The following NEK11 variants were observed in gnomAD, a reference collection of about 807,000 sequenced individuals.
NEK11 encodes serine/threonine-protein kinase Nek11.
NEK11 carries 72 observed loss-of-function variants against 80.7 expected under a neutral mutation model. The observed-to-expected ratio is 0.89, with a 90% CI of 0.74 to 1.08. The LOEUF is 1.08. Ranked by LOEUF, NEK11 falls within the 50% of genes least tolerant of loss-of-function variation. NEK11 has a pLI of 0.00. For missense variants in NEK11, 764 were observed against 763.6 expected, an observed-to-expected ratio of 1.00 and a Z score of -0.01; for synonymous variants, 251 against 260.7, an observed-to-expected ratio of 0.96 and a Z score of 0.36.
chr3:131,059,433 A>G (rs1401251449), intron 3 of NEK11, among the ~76,000 whole-genome samples: 2 of 152,234 alleles, frequency 1.3e-5, no homozygotes. Flanking sequence ...ATGACTTAAT[A>G]TTCATATTTT....
At chr3:131,274,400 G>A (rs201187517) in intron 17 of NEK11, among the ~76,000 whole-genome samples, 9,400 of 128,740 alleles carry the variant, frequency 0.073, 1,600 homozygotes, top group African/African-American at 0.29. Flanking sequence ...GCTATTGTGA[G>A]TAGTGCCACA....
intron 9 of NEK11, among the ~76,000 whole-genome samples, chr3:131,153,287 C>T (rs912542728): frequency 4.6e-5 from 7 of 152,240 alleles, no homozygotes; most frequent in South Asian, 2.1e-4. Flanking sequence ...TAACTATATC[C>T]CTGCAAGGAC....
chr3:131,091,104 T>C lies in NEK11; in HGVS notation c.336+10516T>C, dbSNP rs935007488. Among the ~76,000 whole-genome samples the C allele has an allele frequency of 1.3e-5, 2 of 152,204 alleles. 1 individual carries two copies. Among genetic ancestry groups the C allele is most frequent in the Middle Eastern group, 6.3e-3 (2 of 316 alleles). ...CACAGTAAATGCAAAACAAATAGTT[T>C]TTCTTGAGGATAAACATGTAAAATG... On this transcript the variant is annotated intron_variant, in intron 4 of 17. Coordinates refer to ENST00000383366, the MANE Select transcript of NEK11 (RefSeq NM_024800.5).
At chr3:131,265,638 C>T (rs1460221492) in intron 16 of NEK11, among the ~76,000 whole-genome samples, 4 of 152,024 alleles carry the variant, frequency 2.6e-5, no homozygotes, top group African/African-American at 4.8e-5. Context: ...TGAGGATTTT[C>T]GCATCGATGT....
At chr3:131,106,943 C>T (rs2079272292) in intron 4 of NEK11, among the ~76,000 whole-genome samples, 2 of 152,042 alleles carry the variant, frequency 1.3e-5, no homozygotes, top group African/African-American at 4.8e-5. Context: ...AACAAGATTA[C>T]CCACCCAGAT....
intron 14 of NEK11, among the ~76,000 whole-genome samples, chr3:131,183,363 T>A (rs2093450941): frequency 6.6e-6 from 1 of 152,232 alleles, no homozygotes; most frequent in Non-Finnish European, 1.5e-5. Flanking sequence ...CATGGTGGTT[T>A]ATGGCACCTG....
intron 14 of NEK11, among the ~76,000 whole-genome samples, chr3:131,202,466 C>T (rs968704115): frequency 3.3e-5 from 5 of 152,158 alleles, no homozygotes; most frequent in Non-Finnish European, 5.9e-5. Flanking sequence ...CTCAGCAGGT[C>T]CCACGCCCAT....
chr3:131,132,334 C>T (rs1290734375), intron 5 of NEK11, among the ~76,000 whole-genome samples: 1 of 151,862 alleles, frequency 6.6e-6, no homozygotes, highest in Non-Finnish European at 1.5e-5. Flanking sequence ...GTTACCTATT[C>T]TTAAATATCA....
chr3:131,336,061 T>C (rs2097178182), intron 17 of NEK11, among the ~76,000 whole-genome samples: 2 of 152,162 alleles, frequency 1.3e-5, no homozygotes, highest in South Asian at 4.1e-4. Context: ...ATTTATAGAT[T>C]CAATGCCATC....
rs115358202 is a variant in NEK11 at position 131,265,767 on chromosome 3, T to G, written c.1622-7711T>G. Among the ~76,000 whole-genome samples, 1,472 of 152,348 alleles carry G rather than the reference T, an allele frequency of 9.7e-3. 16 individuals carry two copies. The highest frequency in any genetic ancestry group is 0.032 in the African/African-American group (1,317 of 41,576). On this transcript the variant is annotated intron_variant, in intron 16 of 17. Transcript: ENST00000383366. The stretch of plus-strand genomic sequence containing the variant: ...GAGGAATCCCTCTTTTTCTATCGTT[T>G]GGAATACTTTCAGAAGGAATGGTAC...
chr3:131,288,016 G>C (rs1195356407), intron 17 of NEK11, among the ~76,000 whole-genome samples: 1 of 152,066 alleles, frequency 6.6e-6, no homozygotes, highest in Non-Finnish European at 1.5e-5. Context: ...TATTCATAAA[G>C]GTTTGCTGGA....
intron 7 of NEK11, among the ~76,000 whole-genome samples, chr3:131,151,670 A>G (rs895720744): frequency 6.6e-6 from 1 of 152,060 alleles, no homozygotes; most frequent in African/African-American, 2.4e-5. Context: ...TTATTTCTTA[A>G]TACTAAGCTC....
intron 4 of NEK11, among the ~76,000 whole-genome samples, chr3:131,087,264 A>G (rs1430090760): frequency 1.6e-5 from 2 of 127,828 alleles, no homozygotes; most frequent in East Asian, 2.2e-4. Context: ...TTTTTGAGAC[A>G]GAGTCTCACC....
At chr3:131,134,865 A>G (rs2085251674) in intron 7 of NEK11, among the ~76,000 whole-genome samples, 1 of 152,190 alleles carries the variant, frequency 6.6e-6, no homozygotes, top group Admixed American at 6.5e-5. Flanking sequence ...AGTATGTTCT[A>G]GTGTAAGCAA....
chr3:131,164,129 G>C (rs2091956994), intron 11 of NEK11, among the ~76,000 whole-genome samples: 1 of 152,196 alleles, frequency 6.6e-6, no homozygotes, highest in Admixed American at 6.5e-5. Context: ...CGTAACATTT[G>C]CTTTCTTTAA....
intron 17 of NEK11, among the ~76,000 whole-genome samples, chr3:131,280,753 A>G (rs2096383423): frequency 1.3e-5 from 2 of 152,204 alleles, no homozygotes; most frequent in Admixed American, 1.3e-4. Context: ...ATAATTCTGT[A>G]TTCCAATAAA....
At chr3:131,328,445 G>A (rs2097014228) in intron 17 of NEK11, 1 of 152,068 alleles carries the variant, frequency 6.6e-6, no homozygotes, top group South Asian at 2.1e-4. Context: ...TGCCTTCAAG[G>A]GTCGCCAAGC....
chr3:131,057,658 A>G (rs1281246065), intron 3 of NEK11, among the ~76,000 whole-genome samples: 1 of 151,822 alleles, frequency 6.6e-6, no homozygotes, highest in African/African-American at 2.4e-5. Flanking sequence ...GCATTTTTTC[A>G]TGTGTTTTTT....
At chr3:131,054,262 C>T (rs556184040) in intron 3 of NEK11, among the ~76,000 whole-genome samples, 4 of 151,946 alleles carry the variant, frequency 2.6e-5, no homozygotes, top group Admixed American at 2.6e-4. Flanking sequence ...GCTTAGGAGG[C>T]AGAGGTTGCA....
Sources: gnomAD v4.1 joint callset for allele counts (sites outside exome capture counted in the v4.1 genomes callset) on GRCh38, gnomAD v4.1.1 for gene constraint, MANE v1.5 for transcripts, NCBI Gene and HGNC (gene_info 2026-07-23, HGNC 2026-07-21) for gene names.